ITPR2: variants seen among roughly 807,000 people sequenced by gnomAD.
ITPR2 encodes inositol 1,4,5-trisphosphate receptor type 2.
Under a neutral mutation model 317.1 loss-of-function variants are expected in ITPR2, and 207 were observed. That is an observed-to-expected ratio of 0.65 (90% CI 0.58 to 0.73). ITPR2 has a LOEUF of 0.73. Among genes scored for constraint, ITPR2 ranks in the 30% least tolerant of loss-of-function variants. The pLI is 0.00. For synonymous variants in ITPR2, 1,156 were observed against 1,149.1 expected (o/e 1.01, Z -0.12); for missense variants, 2,613 against 3,284.0 (o/e 0.80, Z 4.99).
intron 9 of ITPR2, among the ~76,000 whole-genome samples, chr12:26,709,273 T>C (rs1948606550): frequency 6.6e-6 from 1 of 152,212 alleles, no homozygotes; most frequent in African/African-American, 2.4e-5. Context: ...AGATATGTGC[T>C]TAATACTTAA....
intron 37 of ITPR2, among the ~76,000 whole-genome samples, chr12:26,538,366 T>G (rs1039457976): frequency 5.3e-5 from 8 of 152,178 alleles, no homozygotes; most frequent in Non-Finnish European, 8.8e-5. Flanking sequence ...AAGATTTGCT[T>G]AACCTTCAGG....
intron 54 of ITPR2, among the ~76,000 whole-genome samples, chr12:26,391,555 CCTTTTTTTTTTTTTTT>C (rs1194200986): frequency 4.2e-5 from 3 of 70,854 alleles, no homozygotes; most frequent in African/African-American, 1.1e-4. Context: ...TTCTTCTTTT[CCTTTTTTTTTTTTTTT>C]TTTTTTTTTT....
chr12:26,801,756 C>T (rs1212308361), intron 1 of ITPR2, among the ~76,000 whole-genome samples: 2 of 152,150 alleles, frequency 1.3e-5, no homozygotes, highest in Non-Finnish European at 2.9e-5. Flanking sequence ...AAAAGTCAGA[C>T]TGCAGATGCC....
At chr12:26,695,727 TTAA>T (rs1948331480) in intron 9 of ITPR2, 77 bp from the exon 10 acceptor site, 3 of 832,608 alleles carry the variant, frequency 3.6e-6, no homozygotes, top group Non-Finnish European at 5.7e-6. Context: ...TTCAATTCAA[TTAA>T]TATTCTATCC....
chr12:26,464,380 C>G (rs1000950430), intron 45 of ITPR2, among the ~76,000 whole-genome samples: 1 of 152,096 alleles, frequency 6.6e-6, no homozygotes, highest in African/African-American at 2.4e-5. Flanking sequence ...TACCTAGATC[C>G]CTCACAAATA....
chr12:26,434,115 G>T (rs574078096), intron 48 of ITPR2, among the ~76,000 whole-genome samples: 1 of 152,132 alleles, frequency 6.6e-6, no homozygotes, highest in Non-Finnish European at 1.5e-5. Context: ...GTAAAGAATG[G>T]CTTTGAAAAA....
intron 45 of ITPR2, among the ~76,000 whole-genome samples, chr12:26,465,611 G>C (rs1942152062): frequency 7.0e-6 from 1 of 143,576 alleles, no homozygotes; most frequent in East Asian, 2.1e-4. Flanking sequence ...TGCTCCCTCT[G>C]GCGCCCTCTC....
intron 2 of ITPR2, among the ~76,000 whole-genome samples, chr12:26,773,170 C>T (rs1188294258): frequency 1.3e-5 from 2 of 152,178 alleles, no homozygotes; most frequent in Non-Finnish European, 2.9e-5. Flanking sequence ...TTTGAGCATG[C>T]TGCTTCTCTA....
chr12:26,646,331 A>T (rs1947113772), intron 21 of ITPR2, among the ~76,000 whole-genome samples: 1 of 152,098 alleles, frequency 6.6e-6, no homozygotes. Context: ...AGCAATATTT[A>T]AAAATGTTTC....
rs1945333946 is a variant in ITPR2, at chr12:26,578,904, T to G, written c.4510-71A>C. 2.4e-5 allele frequency: 34 copies of G among 1,440,562 alleles called. 1 individual carries two copies. In the South Asian group the frequency reaches 4.3e-4, roughly 18 times the overall value. The allele number at this position is 1,440,562 out of a possible 1,614,324, so 89.2% of individuals were successfully genotyped here. On this transcript the variant is annotated intron_variant, in intron 33 of 56. Coordinates refer to ENST00000381340, the MANE Select transcript of ITPR2 (RefSeq NM_002223.4). ...ACAGCCCTGATGTAGCATCTATGCATTCTCAGAAAGGTTCATCAAAATAAA... is the reference window on the plus strand; with the variant it reads ...ACAGCCCTGATGTAGCATCTATGCAGTCTCAGAAAGGTTCATCAAAATAAA...
intron 1 of ITPR2, among the ~76,000 whole-genome samples, chr12:26,802,415 A>C (rs1246357897): frequency 6.6e-6 from 1 of 152,066 alleles, no homozygotes; most frequent in Non-Finnish European, 1.5e-5. Flanking sequence ...TGCGAGGCCG[A>C]GGCAGGAGGA....
At position 26,531,140 on chromosome 12, in the gene ITPR2, G is replaced by C. The variant is rs574567811; in HGVS notation, c.5073+19107C>G. ...CCAAGCAAGTCCATTTCTGTGTCTG[G>C]TTCCCTTGGATTACCATAAATATTC... is the stretch of plus-strand genomic sequence containing the variant. On this transcript the variant is annotated intron_variant, in intron 37 of 56. Transcript: ENST00000381340. 2.6e-5 allele frequency among the ~76,000 whole-genome samples: 4 copies of C among 152,292 alleles called. No homozygotes were observed. The East Asian group carries it at 7.7e-4, about 29-fold the overall frequency.
rs553337011 is a variant in ITPR2, at chr12:26,594,830, C to G, written c.4380+635G>C. On this transcript the variant is annotated intron_variant, in intron 32 of 56. Coordinates refer to ENST00000381340, the MANE Select transcript of ITPR2 (RefSeq NM_002223.4). Reference sequence around the variant, plus strand: ...TTATATTTCTTCACTCATTCATTTACTCAATATTAACAGAGCAAAAACATA... The same window carrying G: ...TTATATTTCTTCACTCATTCATTTAGTCAATATTAACAGAGCAAAAACATA... 7.7e-4 allele frequency among the ~76,000 whole-genome samples: 117 copies of G among 152,044 alleles called. No individual in the cohort carries two copies. The Middle Eastern group carries it at 0.01, about 13-fold the overall frequency.
chr12:26,495,014 A>T (rs1228960825), intron 38 of ITPR2, 138 bp downstream of exon 38: 1 of 647,446 alleles, frequency 1.5e-6, no homozygotes, highest in East Asian at 2.8e-5. Context: ...ATGAGCCCCA[A>T]ATTGTATGAA....
intron 35 of ITPR2, among the ~76,000 whole-genome samples, chr12:26,556,907 T>C (rs1422450140): frequency 1.3e-5 from 2 of 151,868 alleles, no homozygotes; most frequent in Non-Finnish European, 2.9e-5. Context: ...GGTGAAACCA[T>C]GTCTCTACTA....
chr12:26,509,780 G>A (rs1943283152), intron 37 of ITPR2, among the ~76,000 whole-genome samples: 1 of 152,034 alleles, frequency 6.6e-6, no homozygotes, highest in Non-Finnish European at 1.5e-5. Flanking sequence ...GCGGTCCAGT[G>A]CACTGAATAT....
At chr12:26,609,731 A>G (rs142886967) in intron 26 of ITPR2, among the ~76,000 whole-genome samples, 27 of 152,352 alleles carry the variant, frequency 1.8e-4, no homozygotes, top group African/African-American at 6.5e-4. Flanking sequence ...GAAGGGAACA[A>G]ATTCTCATAG....
chr12:26,826,439 G>A (rs1162541346), intron 1 of ITPR2, among the ~76,000 whole-genome samples: 3 of 152,096 alleles, frequency 2.0e-5, no homozygotes, highest in Non-Finnish European at 4.4e-5. Context: ...AATTAAGTCA[G>A]AATTATAAAC....
At chr12:26,449,713 G>C (rs1207442242) in intron 45 of ITPR2, among the ~76,000 whole-genome samples, 1 of 152,106 alleles carries the variant, frequency 6.6e-6, no homozygotes, top group Non-Finnish European at 1.5e-5. Flanking sequence ...ATTCTGCATA[G>C]AGAGAGGGAT....
Sources: allele counts gnomAD v4.1 joint callset (sites outside exome capture counted in the v4.1 genomes callset), GRCh38; gene constraint gnomAD v4.1.1; transcripts MANE v1.5; gene names NCBI Gene and HGNC (gene_info 2026-07-23, HGNC 2026-07-21).